Variants in PLCB4 observed in about 807,000 individuals in gnomAD.
The protein encoded by PLCB4 is 1-phosphatidylinositol 4,5-bisphosphate phosphodiesterase beta-4.
Under a neutral mutation model 178.8 loss-of-function variants are expected in PLCB4, and 77 were observed. The observed-to-expected ratio is 0.43, with a 90% CI of 0.36 to 0.52. The LOEUF (loss-of-function observed/expected upper bound fraction) is 0.52. Ranked by LOEUF, PLCB4 falls within the 20% of genes least tolerant of loss-of-function variation. The pLI, the probability that PLCB4 is intolerant of heterozygous loss-of-function variation, is 0.00. For missense variants in PLCB4, 1,024 were observed against 1,453.4 expected, an observed-to-expected ratio of 0.70 and a Z score of 4.80; for synonymous variants, 496 against 490.8, an observed-to-expected ratio of 1.01 and a Z score of -0.14.
intron 3 of PLCB4, among the ~76,000 whole-genome samples, chr20:9,240,020 G>A (rs1411475615): frequency 6.6e-6 from 1 of 152,198 alleles, no homozygotes; most frequent in Admixed American, 6.5e-5. Context: ...TGCCCAGATT[G>A]AGGGTGGGTC....
intron 9 of PLCB4, among the ~76,000 whole-genome samples, chr20:9,366,950 C>CTTT (rs1440813900): frequency 5.3e-5 from 8 of 152,200 alleles, no homozygotes; most frequent in African/African-American, 1.7e-4. Context: ...TCAGAAATAA[C>CTTT]CAGGTCACCG....
chr20:9,478,772 A>G, intron 39 of PLCB4, 149 bp from the exon 40 acceptor site: 1 of 637,656 alleles, frequency 1.6e-6, no homozygotes, highest in Non-Finnish European at 2.8e-6. Flanking sequence ...GGTCCCAGGC[A>G]ATGCTGATGC....
intron 18 of PLCB4, 105 bp downstream of exon 18, chr20:9,393,783 G>A (rs1454271429): frequency 2.1e-5 from 14 of 669,738 alleles, no homozygotes; most frequent in Non-Finnish European, 2.8e-5. Flanking sequence ...TTTGGGGGAA[G>A]GGTGTAGGGG....
At chr20:9,134,970 A>G (rs2092352673) in intron 2 of PLCB4, among the ~76,000 whole-genome samples, 1 of 152,146 alleles carries the variant, frequency 6.6e-6, no homozygotes, top group Admixed American at 6.6e-5. Context: ...TGAGTAGGTA[A>G]GCACTGCTGT....
At chr20:9,470,439 A>T (rs2044111404) in intron 36 of PLCB4, among the ~76,000 whole-genome samples, 2 of 152,200 alleles carry the variant, frequency 1.3e-5, no homozygotes, top group African/African-American at 2.4e-5. Context: ...TCAGTTTGAA[A>T]ACACCAAATA....
At chr20:9,282,587 C>T (rs1325815470) in intron 3 of PLCB4, among the ~76,000 whole-genome samples, 1 of 151,970 alleles carries the variant, frequency 6.6e-6, no homozygotes, top group East Asian at 1.9e-4. Flanking sequence ...AATCACAGTG[C>T]CCACTTACTC....
intron 25 of PLCB4, among the ~76,000 whole-genome samples, chr20:9,416,377 G>T (rs924916160): frequency 6.6e-6 from 1 of 152,154 alleles, no homozygotes; most frequent in Non-Finnish European, 1.5e-5. Flanking sequence ...AACTGGAAAG[G>T]TGACTCCAGT....
chr20:9,432,431 T>C (rs2041485764), intron 28 of PLCB4, among the ~76,000 whole-genome samples: 1 of 152,208 alleles, frequency 6.6e-6, no homozygotes, highest in Admixed American at 6.5e-5. Flanking sequence ...CGAGTATTTG[T>C]TTCCTAACCA....
At chr20:9,127,433 C>CAT (rs1247098360) in intron 2 of PLCB4, among the ~76,000 whole-genome samples, 1 of 151,982 alleles carries the variant, frequency 6.6e-6, no homozygotes, top group African/African-American at 2.4e-5. Flanking sequence ...CATCAGTGAT[C>CAT]ATATATTAGT....
chr20:9,219,193 G>C (rs1044388724), intron 3 of PLCB4, among the ~76,000 whole-genome samples: 1 of 152,190 alleles, frequency 6.6e-6, no homozygotes, highest in Admixed American at 6.5e-5. Context: ...GCCTTGGCTG[G>C]GCGCGGTGGC....
chr20:9,450,257 A>G (rs1045317603), intron 32 of PLCB4, among the ~76,000 whole-genome samples: 1 of 152,200 alleles, frequency 6.6e-6, no homozygotes, highest in Non-Finnish European at 1.5e-5. Flanking sequence ...CCAATAATGG[A>G]CATTTTTTTT....
chr20:9,151,487 G>A (rs2327170), intron 2 of PLCB4, among the ~76,000 whole-genome samples: 132,115 of 152,052 alleles, frequency 0.87, 57,558 homozygotes, highest in East Asian at 1. Context: ...TATTCTCATG[G>A]TAGTGAATAA....
At chr20:9,455,447 A>G (rs2043000249) in intron 33 of PLCB4, among the ~76,000 whole-genome samples, 1 of 152,202 alleles carries the variant, frequency 6.6e-6, no homozygotes, top group Non-Finnish European at 1.5e-5. Flanking sequence ...TTGATAAAAT[A>G]TATCTTTACC....
intron 32 of PLCB4, among the ~76,000 whole-genome samples, chr20:9,446,885 A>T (rs1035240200): frequency 6.6e-6 from 1 of 152,242 alleles, no homozygotes; most frequent in Non-Finnish European, 1.5e-5. Flanking sequence ...CTGTCTCAAA[A>T]ACAAAACAGA....
Position 9,214,560 on chromosome 20 carries a change from G to GACACACACACACAC in PLCB4, c.-78-2810_-78-2797dup, listed in dbSNP as rs11474652. ...TGGGAAGACATACATAAACACCCCAGACACACACACACACACACACACACA... is the reference window on the plus strand; with the variant it reads ...TGGGAAGACATACATAAACACCCCAGACACACACACACACACACACACACACACACACACACACA... On this transcript the variant is annotated intron_variant, in intron 2 of 39. Coordinates refer to ENST00000378473, the MANE Select transcript of PLCB4 (RefSeq NM_001377142.1). Among the ~76,000 whole-genome samples the GACACACACACACAC allele has an allele frequency of 1.3e-3, 190 of 145,588 alleles. 1 individual carries two copies. The highest frequency in any genetic ancestry group is 7.4e-3 in the Middle Eastern group (2 of 272).
rs138068127 is a variant in PLCB4 at position 9,074,807 on chromosome 20, TAAACAAAACAAAACA to T, written c.-135+5632_-135+5646del. On this transcript the variant is annotated intron_variant, in intron 1 of 39. Coordinates refer to ENST00000378473, the MANE Select transcript of PLCB4 (RefSeq NM_001377142.1). ...CCAGCTAGGCTTTTTTTTTTTTTTT[TAAACAAAACAAAACA>T]AAACAAAACAAAACAAAACAAAACA... 9.8e-4 allele frequency among the ~76,000 whole-genome samples: 121 copies of T among 123,428 alleles called. 6 individuals are homozygous for T. The highest frequency in any genetic ancestry group is 4.2e-3 in the East Asian group (15 of 3,606). The allele number at this position is 123,428 out of a possible 152,430, so 81.0% of individuals were successfully genotyped here. A position where few individuals can be genotyped will look rare whatever the true frequency, so the allele number is the denominator to read the frequency against.
intron 28 of PLCB4, among the ~76,000 whole-genome samples, chr20:9,432,688 C>T (rs1315292660): frequency 6.6e-6 from 1 of 152,212 alleles, no homozygotes; most frequent in Non-Finnish European, 1.5e-5. Flanking sequence ...CAAATTGTGT[C>T]TTCATGTGCT....
At chr20:9,359,362 T>G (rs2148214398) in intron 7 of PLCB4, among the ~76,000 whole-genome samples, 1 of 152,276 alleles carries the variant, frequency 6.6e-6, no homozygotes, top group Non-Finnish European at 1.5e-5. Flanking sequence ...GCAGCTTCTC[T>G]TTCTCTCCTT....
chr20:9,446,158 T>C (rs1451269245), intron 32 of PLCB4, among the ~76,000 whole-genome samples: 1 of 152,232 alleles, frequency 6.6e-6, no homozygotes, highest in Non-Finnish European at 1.5e-5. Flanking sequence ...GTAAATTCTA[T>C]GTGAGTCTCC....
Sources: allele counts gnomAD v4.1 joint callset (sites outside exome capture counted in the v4.1 genomes callset), GRCh38; gene constraint gnomAD v4.1.1; transcripts MANE v1.5; gene names NCBI Gene and HGNC (gene_info 2026-07-23, HGNC 2026-07-21).